BORCS5: variants seen among roughly 807,000 people sequenced by gnomAD.
BORCS5 encodes BLOC-1-related complex subunit 5.
A neutral mutation model predicts 22.1 loss-of-function variants in BORCS5; 17 were observed. The observed-to-expected ratio is 0.77, with a 90% CI of 0.53 to 1.15. The LOEUF (loss-of-function observed/expected upper bound fraction) is 1.15. Ranked by LOEUF, BORCS5 falls within the 50% of genes most tolerant of loss-of-function variation. The pLI is 0.00. For missense variants in BORCS5, 247 were observed against 253.2 expected, an observed-to-expected ratio of 0.98 and a Z score of 0.17; for synonymous variants, 117 against 99.8, an observed-to-expected ratio of 1.17 and a Z score of -1.03.
intron 3 of BORCS5, among the ~76,000 whole-genome samples, chr12:12,464,154 G>A (rs1943158427): frequency 2.0e-5 from 3 of 151,774 alleles, no homozygotes; most frequent in South Asian, 2.1e-4. Flanking sequence ...AGAGAACCCC[G>A]GAAAGTGTGC....
intron 3 of BORCS5, among the ~76,000 whole-genome samples, chr12:12,439,455 C>G (rs573710669): frequency 3.6e-4 from 54 of 151,936 alleles, no homozygotes; most frequent in African/African-American, 1.1e-3. Context: ...TGGTGAAACC[C>G]CATCTCTACA....
intron 2 of BORCS5, among the ~76,000 whole-genome samples, chr12:12,417,469 T>C (rs79667406): frequency 1.3e-5 from 2 of 152,182 alleles, no homozygotes; most frequent in African/African-American, 4.8e-5. Flanking sequence ...GTCTGTGAAG[T>C]TGAGTCAGTT....
At chr12:12,445,526 T>A (rs974470185) in intron 3 of BORCS5, among the ~76,000 whole-genome samples, 117 of 101,012 alleles carry the variant, frequency 1.2e-3, no homozygotes, top group Middle Eastern at 4.9e-3. Flanking sequence ...CAATTTGAAA[T>A]ACCTTTTTTT....
chr12:12,396,234 G>C (rs906243382), intron 2 of BORCS5, among the ~76,000 whole-genome samples: 2 of 151,270 alleles, frequency 1.3e-5, no homozygotes, highest in African/African-American at 4.9e-5. Flanking sequence ...TGATCTGCCC[G>C]CCTCGGCCTC....
At chr12:12,359,246 C>T (rs1235834553) in intron 1 of BORCS5, among the ~76,000 whole-genome samples, 1 of 152,082 alleles carries the variant, frequency 6.6e-6, no homozygotes, top group Non-Finnish European at 1.5e-5. Flanking sequence ...TTGCCCTGGA[C>T]TAATGCTATA....
chr12:12,438,376 AAAAACGAAAAACAAC>A (rs1565915640), intron 3 of BORCS5, among the ~76,000 whole-genome samples: 1 of 136,386 alleles, frequency 7.3e-6, no homozygotes, highest in African/African-American at 3.5e-5. Context: ...AAAAAAAAAA[AAAAACGAAAAACAAC>A]AACAAAAACC....
intron 3 of BORCS5, among the ~76,000 whole-genome samples, chr12:12,451,864 G>C (rs1942915761): frequency 6.7e-6 from 1 of 149,926 alleles, no homozygotes. Context: ...CTTGCAGTGA[G>C]CCGAGATCGC....
At chr12:12,376,156 ATATT>A (rs1307279998) in intron 2 of BORCS5, among the ~76,000 whole-genome samples, 1 of 151,866 alleles carries the variant, frequency 6.6e-6, no homozygotes, top group Non-Finnish European at 1.5e-5. Context: ...CAGTAAGTAA[ATATT>A]TATGAACAAA....
rs954238480 is a variant in BORCS5, at chr12:12,442,843, C to A, written c.360+7058C>A. On this transcript the variant is annotated intron_variant, in intron 3 of 3. Coordinates refer to ENST00000314565, the MANE Select transcript of BORCS5 (RefSeq NM_058169.6). ...TGTTTGAAGGAATGCACGAGAGTTG[C>A]CATTCATGGGCCTGCACACAGGGCT... is the stretch of plus-strand genomic sequence containing the variant. Among the ~76,000 whole-genome samples the A allele has an allele frequency of 5.9e-5, 9 of 152,258 alleles. No homozygotes were observed. The East Asian group carries it at 1.7e-3, about 29-fold the overall frequency.
In BORCS5 at chr12:12,413,831, G is replaced by C. The variant is rs1403592253; in HGVS notation, c.203-21797G>C. 2.7e-5 allele frequency among the ~76,000 whole-genome samples: 2 copies of C among 75,108 alleles called. 1 individual carries two copies. The highest frequency in any genetic ancestry group is 5.5e-5 in the Non-Finnish European group (2 of 36,404). 49.3% of individuals were successfully genotyped at this position (75,108 alleles called of 152,430 possible). On this transcript the variant is annotated intron_variant, in intron 2 of 3. Transcript: ENST00000314565. ...CCCGGACGGGGCGGCTGGCCAGGCG[G>C]GGGGCTGGCCCCCCCACCTCCCTCC...
At chr12:12,384,350 T>C (rs967292231) in intron 2 of BORCS5, among the ~76,000 whole-genome samples, 4 of 150,576 alleles carry the variant, frequency 2.7e-5, no homozygotes, top group African/African-American at 9.8e-5. Context: ...TTCATTGTTA[T>C]ATTTTTCTTT....
intron 2 of BORCS5, among the ~76,000 whole-genome samples, chr12:12,411,156 C>G (rs530193009): frequency 1.4e-4 from 22 of 152,318 alleles, no homozygotes; most frequent in Non-Finnish European, 2.8e-4. Context: ...GATATACAAT[C>G]ATGTCATCTG....
At chr12:12,388,515 C>CT (rs1212850824) in intron 2 of BORCS5, among the ~76,000 whole-genome samples, 3 of 151,034 alleles carry the variant, frequency 2.0e-5, no homozygotes, top group South Asian at 4.2e-4. Flanking sequence ...ATATCCACTG[C>CT]TTTTTTTTGG....
At chr12:12,409,050 G>A (rs1455015623) in intron 2 of BORCS5, among the ~76,000 whole-genome samples, 1 of 151,888 alleles carries the variant, frequency 6.6e-6, no homozygotes, top group Non-Finnish European at 1.5e-5. Context: ...ACCATGTTAC[G>A]TCTCCACCAA....
chr12:12,393,576 G>A (rs796336284), intron 2 of BORCS5, among the ~76,000 whole-genome samples: 19 of 151,484 alleles, frequency 1.3e-4, no homozygotes, highest in Admixed American at 4.6e-4. Context: ...CTGGAATGCA[G>A]TGGCATGATC....
chr12:12,448,121 A>G (rs1189013521), intron 3 of BORCS5, among the ~76,000 whole-genome samples: 1 of 152,212 alleles, frequency 6.6e-6, no homozygotes, highest in Non-Finnish European at 1.5e-5. Flanking sequence ...TGGAGCTGGG[A>G]TGCAGGCTCA....
intron 2 of BORCS5, among the ~76,000 whole-genome samples, chr12:12,414,184 T>C (rs1255530745): frequency 9.5e-4 from 51 of 53,662 alleles, no homozygotes; most frequent in Middle Eastern, 0.022. Flanking sequence ...CCCTCCCGGA[T>C]GGGGCGGCTG....
rs1565949476 is a variant in BORCS5, at chr12:12,468,870, AT to A, written c.*3096del. On this transcript the variant is annotated 3_prime_UTR_variant, in exon 4 of 4. Transcript: ENST00000314565. ...ATGTCTTTGTTTCCCTCAAAGTTTT[AT>A]TCTTAGTAACGCTATATATGGTTTT... The A allele has an allele frequency of 6.6e-6, 1 of 152,132 alleles. No individual in the cohort carries two copies. The highest frequency in any genetic ancestry group is 1.5e-5 in the Non-Finnish European group (1 of 68,028). 9.4% of individuals were successfully genotyped at this position (152,132 alleles called of 1,614,324 possible).
chr12:12,361,294 C>T lies in BORCS5; in HGVS notation c.147C>T (p.Asn49=), dbSNP rs200415074. The T allele has an allele frequency of 6.8e-6, 11 of 1,614,040 alleles. No homozygotes were observed. Among genetic ancestry groups the T allele is most frequent in the South Asian group, 2.2e-5 (2 of 91,090 alleles). The part of the protein sequence containing the change: ...QGSQASRNVS[N]DPDVIKLQEI... ...CCCAGGCCTCACGGAACGTCAGCAACGATCCCGATGTCATCAAGTTGCAAG... is the reference window on the plus strand; with the variant it reads ...CCCAGGCCTCACGGAACGTCAGCAATGATCCCGATGTCATCAAGTTGCAAG... Residue 49 remains asparagine, a synonymous_variant, in exon 2 of 4, where the codon AAC becomes AAT. Transcript: ENST00000314565.
Sources: allele counts gnomAD v4.1 joint callset (sites outside exome capture counted in the v4.1 genomes callset), GRCh38; gene constraint gnomAD v4.1.1; transcripts MANE v1.5; gene names NCBI Gene and HGNC (gene_info 2026-07-23, HGNC 2026-07-21).